The following PTPRF variants were observed in gnomAD, a reference collection of about 807,000 sequenced individuals.
PTPRF encodes the protein receptor-type tyrosine-protein phosphatase F.
In PTPRF, 59 loss-of-function variants were observed where a neutral mutation model predicts 201.8. That is an observed-to-expected ratio of 0.29 (90% CI 0.24 to 0.36). The LOEUF is 0.36. PTPRF is among the 10% of genes least tolerant of loss of function. The pLI is 1.00. For synonymous variants in PTPRF, 1,088 were observed against 1,089.7 expected (o/e 1.00, Z 0.03); for missense variants, 2,132 against 2,690.5 (o/e 0.79, Z 4.59).
chr1:43,529,498 C>G (rs1643270934), upstream of PTPRF, among the ~76,000 whole-genome samples: 1 of 152,234 alleles, frequency 6.6e-6, no homozygotes, highest in Non-Finnish European at 1.5e-5. Context: ...TCCAAACTTA[C>G]AGGGTTATCA....
intron 5 of PTPRF, 132 bp from the exon 6 acceptor site, chr1:43,569,458 C>A: frequency 3.3e-6 from 3 of 907,458 alleles, no homozygotes; most frequent in Non-Finnish European, 3.3e-6. Context: ...ATGCTTCATG[C>A]TTAGAAGTCA....
Position 43,617,531 on chromosome 1 carries a change from C to T in PTPRF, c.4158C>T (p.Ala1386=), listed in dbSNP as rs745646205. The T allele has an allele frequency of 1.5e-5, 24 of 1,613,974 alleles. No individual in the cohort carries two copies. Among genetic ancestry groups the T allele is most frequent in the Non-Finnish European group, 1.8e-5 (21 of 1,180,020 alleles). Residue 1386 remains alanine, a synonymous_variant, in exon 24 of 34, where the codon GCC becomes GCT. Transcript: ENST00000359947. ...AGAACCGCTATGCGAATGTCATCGC[C>T]TACGACCACTCTCGAGTCATCCTTA... is the stretch of plus-strand genomic sequence containing the variant. The part of the protein sequence containing the change: ...KPKNRYANVI[A]YDHSRVILTS...
At chr1:43,606,210 CCTCATGA>C in intron 19 of PTPRF, 23 bp from the exon 20 acceptor site, 1 of 1,595,940 alleles carries the variant, frequency 6.3e-7, no homozygotes, top group Non-Finnish European at 8.5e-7. Flanking sequence ...CTCCAAGGCC[CCTCATGA>C]CCCCCATGCT....
chr1:43,536,134 C>A (rs1171788788), intron 1 of PTPRF, among the ~76,000 whole-genome samples: 1 of 152,148 alleles, frequency 6.6e-6, no homozygotes, highest in Non-Finnish European at 1.5e-5. Flanking sequence ...TTCTAGTCAA[C>A]CTTCCAGATG....
rs142031392 is a variant in PTPRF, at chr1:43,619,049, G to C, written c.4493G>C (p.Ser1498Thr). 832 of 1,612,718 alleles carry C rather than the reference G, an allele frequency of 5.2e-4. 7 individuals are homozygous for C. In the African/African-American group the frequency reaches 9.8e-3, roughly 19 times the overall value. Reference sequence around the variant, plus strand: ...GTATGTCCCCACTTTGTCCCCCAGAGTGGCTCCAGTGAGAAGCGCGAGCTG... The same window carrying C: ...GTATGTCCCCACTTTGTCCCCCAGACTGGCTCCAGTGAGAAGCGCGAGCTG... ...YTVRTFALHK[S>T]GSSEKRELRQ... Residue 1498 changes from serine (S) to threonine (T), a missense_variant and splice_region_variant, in exon 27 of 34, where the codon AGT (serine) becomes ACT (threonine). By Grantham distance (58) the Ser-to-Thr change is moderately conservative. Around this residue, in one of 6 missense-constraint regions of PTPRF, gnomAD observed 519 missense variants for 659.5 expected, o/e 0.79. Transcript: ENST00000359947.
In PTPRF at chr1:43,606,812, A is replaced by T; in HGVS notation, c.3703-2A>T. On this transcript the variant is annotated splice_acceptor_variant, in intron 20 of 33. Transcript: ENST00000359947. LOFTEE classifies it high-confidence loss of function. Reference sequence around the variant, plus strand: ...AGCCTGCTGTTCTCCACCGGGCCACAGAAGCGCTATGCCTCCAGCCCCTAC... The same window carrying T: ...AGCCTGCTGTTCTCCACCGGGCCACTGAAGCGCTATGCCTCCAGCCCCTAC... The T allele has an allele frequency of 6.2e-7, 1 of 1,612,970 alleles. No homozygotes were observed. Among genetic ancestry groups the T allele is most frequent in the Non-Finnish European group, 8.5e-7 (1 of 1,179,602 alleles).
At chr1:43,544,987 C>A (rs767978306) in intron 2 of PTPRF, 44 bp from the exon 3 acceptor site, 2 of 1,164,760 alleles carry the variant, frequency 1.7e-6, no homozygotes, top group Admixed American at 2.4e-5. Flanking sequence ...TTAGGGACAG[C>A]AGTAAATACC....
chr1:43,554,752 A>G lies in PTPRF; in HGVS notation c.379+811A>G, dbSNP rs1250686574. ...AAGCCACAAACAAGGCGGGGGTGACATGATCAGACCCCAGCCACAACTGAT... is the reference window on the plus strand; with the variant it reads ...AAGCCACAAACAAGGCGGGGGTGACGTGATCAGACCCCAGCCACAACTGAT... On this transcript the variant is annotated intron_variant, in intron 5 of 33. Transcript: ENST00000359947. The surrounding 1 kb of genome is among the most constrained non-coding windows in gnomAD (Gnocchi z 4.1). 6.6e-6 allele frequency among the ~76,000 whole-genome samples: 1 copy of G among 152,178 alleles called. No homozygotes were observed. Among genetic ancestry groups the G allele is most frequent in the East Asian group, 1.9e-4 (1 of 5,198 alleles).
chr1:43,594,134 G>C (rs1253012240), intron 11 of PTPRF, among the ~76,000 whole-genome samples: 1 of 152,172 alleles, frequency 6.6e-6, no homozygotes, highest in Non-Finnish European at 1.5e-5. Flanking sequence ...GCCCCCAGCT[G>C]CAGCACAGCA....
intron 1 of PTPRF, among the ~76,000 whole-genome samples, chr1:43,534,722 G>A (rs965019860): frequency 1.3e-5 from 2 of 152,076 alleles, no homozygotes; most frequent in Non-Finnish European, 2.9e-5. Flanking sequence ...GAGAAATGTC[G>A]GTCGGACCAA....
At chr1:43,541,219 G>A (rs900345002) in intron 2 of PTPRF, among the ~76,000 whole-genome samples, 4 of 152,198 alleles carry the variant, frequency 2.6e-5, no homozygotes, top group African/African-American at 9.7e-5. Context: ...GGTGGTATTT[G>A]GAGACTAATT....
At chr1:43,578,055 G>T (rs992149736) in intron 6 of PTPRF, among the ~76,000 whole-genome samples, 1 of 152,194 alleles carries the variant, frequency 6.6e-6, no homozygotes, top group African/African-American at 2.4e-5. Flanking sequence ...CCTTTCTGAG[G>T]GTCCTTTTGC....
At chr1:43,549,803 G>A (rs1644903800) in intron 3 of PTPRF, among the ~76,000 whole-genome samples, 1 of 151,928 alleles carries the variant, frequency 6.6e-6, no homozygotes, top group Non-Finnish European at 1.5e-5. Flanking sequence ...GGAGGTTACA[G>A]TGAGCTGAGA....
chr1:43,564,008 G>A (rs114117534), intron 5 of PTPRF, among the ~76,000 whole-genome samples: 321 of 152,286 alleles, frequency 2.1e-3, no homozygotes, highest in African/African-American at 7.6e-3. Context: ...GGGGGACGCC[G>A]TGCCTGCCAA....
chr1:43,597,731 C>A lies in PTPRF; in HGVS notation c.1814-17C>A, dbSNP rs765701307. On this transcript the variant is annotated splice_polypyrimidine_tract_variant and intron_variant, in intron 11 of 33. Coordinates refer to ENST00000359947, the MANE Select transcript of PTPRF (RefSeq NM_002840.5). ...CACCCTCCATCTGCTTGCTTCCCCC[C>A]CATTTGTCTTCCCCAGCCCCCTCCG... 3.9e-5 allele frequency: 56 copies of A among 1,431,664 alleles called. 1 individual carries two copies. The highest frequency in any genetic ancestry group is 9.9e-5 in the South Asian group (8 of 81,138). 88.7% of individuals were successfully genotyped at this position (1,431,664 alleles called of 1,614,324 possible). A position where few individuals can be genotyped will look rare whatever the true frequency, so the allele number is the denominator to read the frequency against.
chr1:43,551,582 G>GT (rs1259666217), intron 3 of PTPRF, among the ~76,000 whole-genome samples: 1 of 152,178 alleles, frequency 6.6e-6, no homozygotes, highest in Non-Finnish European at 1.5e-5. Flanking sequence ...AGGGAAGGCC[G>GT]TAGGTGAGCT....
At chr1:43,586,168 A>G (rs1177721810) in intron 7 of PTPRF, among the ~76,000 whole-genome samples, 1 of 152,222 alleles carries the variant, frequency 6.6e-6, no homozygotes, top group Non-Finnish European at 1.5e-5. Flanking sequence ...ACAGCATGGA[A>G]ACCTGCACCT....
At chr1:43,591,667 A>G in intron 9 of PTPRF, 114 bp downstream of exon 9, 1 of 1,438,492 alleles carries the variant, frequency 7.0e-7, no homozygotes, top group Non-Finnish European at 9.3e-7. Context: ...GGGAGGATCA[A>G]GGTGCCGTAT....
chr1:43,619,996 A>G, intron 29 of PTPRF, 99 bp from the exon 30 acceptor site: 2 of 1,572,996 alleles, frequency 1.3e-6, no homozygotes, highest in Non-Finnish European at 1.7e-6. Flanking sequence ...TTCCTGGAGG[A>G]GGGGTGATCT....
Sources: allele counts gnomAD v4.1 joint callset (sites outside exome capture counted in the v4.1 genomes callset), GRCh38; gene constraint gnomAD v4.1.1; regional missense constraint gnomAD v4.1.1; non-coding constraint Gnocchi (gnomAD v3.1); transcripts MANE v1.5; gene names NCBI Gene and HGNC (gene_info 2026-07-23, HGNC 2026-07-21).